MTUS2: variants seen among roughly 807,000 people sequenced by gnomAD.
MTUS2 encodes the protein microtubule-associated tumor suppressor candidate 2.
Under a neutral mutation model 114.1 loss-of-function variants are expected in MTUS2, and 40 were observed. The observed-to-expected ratio is 0.35, with a 90% CI of 0.27 to 0.46. MTUS2 has a LOEUF of 0.46. Among genes scored for constraint, MTUS2 ranks in the 20% least tolerant of loss-of-function variants. MTUS2 has a pLI of 1.00. For synonymous variants in MTUS2, 688 were observed against 672.0 expected, an observed-to-expected ratio of 1.02 and a Z score of -0.37; for missense variants, 1,679 against 1,705.4, an observed-to-expected ratio of 0.98 and a Z score of 0.27.
chr13:29,407,876 C>G (rs1193707490), intron 8 of MTUS2, among the ~76,000 whole-genome samples: 1 of 152,140 alleles, frequency 6.6e-6, no homozygotes, highest in African/African-American at 2.4e-5. Flanking sequence ...TAACTTTTGC[C>G]AATCTGTTGG....
intron 2 of MTUS2, among the ~76,000 whole-genome samples, chr13:29,003,809 G>T (rs1484277114): frequency 6.6e-6 from 1 of 152,184 alleles, no homozygotes; most frequent in Non-Finnish European, 1.5e-5. Context: ...TAGGCAGAGT[G>T]CTCCTGCGGC....
chr13:28,847,773 A>G (rs1261148855), intron 2 of MTUS2, among the ~76,000 whole-genome samples: 1 of 152,214 alleles, frequency 6.6e-6, no homozygotes, highest in Non-Finnish European at 1.5e-5. Context: ...GAAACCATGC[A>G]GCAGCCCTGA....
chr13:28,883,151 C>T (rs1478124786), intron 2 of MTUS2, among the ~76,000 whole-genome samples: 1 of 152,086 alleles, frequency 6.6e-6, no homozygotes, highest in African/African-American at 2.4e-5. Flanking sequence ...GCGAGAATAC[C>T]ACATACTGCT....
intron 4 of MTUS2, among the ~76,000 whole-genome samples, chr13:29,091,952 C>T (rs1889971918): frequency 6.6e-6 from 1 of 152,190 alleles, no homozygotes; most frequent in Non-Finnish European, 1.5e-5. Context: ...TGAGGAAAGA[C>T]CCCGGTGGAG....
At chr13:28,991,611 G>T (rs1884858453) in intron 2 of MTUS2, among the ~76,000 whole-genome samples, 1 of 152,134 alleles carries the variant, frequency 6.6e-6, no homozygotes, top group Non-Finnish European at 1.5e-5. Context: ...CTCATGATCT[G>T]CCTGTCTCGG....
chr13:29,174,097 A>G (rs1856559310), intron 5 of MTUS2, among the ~76,000 whole-genome samples: 1 of 152,090 alleles, frequency 6.6e-6, no homozygotes, highest in African/African-American at 2.4e-5. Flanking sequence ...ATAAGTTAAC[A>G]GTTGTTCCTT....
intron 10 of MTUS2, chr13:29,487,666 G>A (rs1411916765): frequency 7.2e-6 from 4 of 556,376 alleles, no homozygotes; most frequent in Non-Finnish European, 1.3e-5. Context: ...GGTACCTCAG[G>A]CAGTGATCCC....
At chr13:29,487,250 C>T (rs1881687884) in intron 10 of MTUS2, among the ~76,000 whole-genome samples, 1 of 152,158 alleles carries the variant, frequency 6.6e-6, no homozygotes, top group Non-Finnish European at 1.5e-5. Flanking sequence ...GCTAGTCTTG[C>T]TTGGGGGAGG....
intron 9 of MTUS2, among the ~76,000 whole-genome samples, chr13:29,472,676 T>C (rs968779274): frequency 4.6e-5 from 7 of 152,220 alleles, no homozygotes; most frequent in Non-Finnish European, 1.0e-4. Flanking sequence ...GTATCCTAAA[T>C]GAAAAAAGCA....
intron 2 of MTUS2, among the ~76,000 whole-genome samples, chr13:28,974,715 G>A (rs1884010593): frequency 6.6e-6 from 1 of 152,034 alleles, no homozygotes; most frequent in Middle Eastern, 3.2e-3. Context: ...AAACATACTT[G>A]CTGTTTACCA....
intron 2 of MTUS2, among the ~76,000 whole-genome samples, chr13:28,954,574 G>T (rs1882970243): frequency 6.6e-6 from 1 of 152,144 alleles, no homozygotes; most frequent in African/African-American, 2.4e-5. Context: ...GGTGTGGGCA[G>T]TGCTAAGAGA....
At chr13:29,159,095 T>G (rs1892989770) in intron 5 of MTUS2, among the ~76,000 whole-genome samples, 1 of 152,210 alleles carries the variant, frequency 6.6e-6, no homozygotes, top group African/African-American at 2.4e-5. Context: ...TGTTCGTGAT[T>G]GATACTGAAA....
At chr13:29,351,359 G>T (rs987232012) in intron 7 of MTUS2, among the ~76,000 whole-genome samples, 2 of 151,956 alleles carry the variant, frequency 1.3e-5, no homozygotes, top group African/African-American at 4.8e-5. Context: ...AAATTGAATC[G>T]TGGCAGGAAC....
At chr13:29,231,049 C>G (rs1896303683) in intron 5 of MTUS2, among the ~76,000 whole-genome samples, 1 of 152,138 alleles carries the variant, frequency 6.6e-6, no homozygotes, top group Non-Finnish European at 1.5e-5. Context: ...TCCATCCAGC[C>G]AAGCATTGAA....
intron 5 of MTUS2, among the ~76,000 whole-genome samples, chr13:29,107,820 G>C (rs1890731451): frequency 1.3e-5 from 2 of 152,160 alleles, no homozygotes; most frequent in East Asian, 1.9e-4. Context: ...TCACTTCTCA[G>C]CCTTTTGGCT....
chr13:29,175,400 T>C (rs1043296578), intron 5 of MTUS2, among the ~76,000 whole-genome samples: 3 of 152,204 alleles, frequency 2.0e-5, no homozygotes, highest in African/African-American at 7.2e-5. Flanking sequence ...ATCTGAAGCG[T>C]TCATAGGCAG....
At chr13:29,198,392 T>G (rs921411806) in intron 5 of MTUS2, among the ~76,000 whole-genome samples, 1 of 152,228 alleles carries the variant, frequency 6.6e-6, no homozygotes, top group Admixed American at 6.5e-5. Context: ...ATGTGTGGCA[T>G]TATTTCTGAG....
intron 2 of MTUS2, among the ~76,000 whole-genome samples, chr13:29,015,520 G>A (rs1461516015): frequency 1.3e-5 from 2 of 152,204 alleles, no homozygotes; most frequent in East Asian, 3.8e-4. Flanking sequence ...AAAAACCCAT[G>A]CTGGAGCTTA....
intron 10 of MTUS2, chr13:29,485,387 G>T (rs562931506): frequency 6.5e-6 from 1 of 152,714 alleles, no homozygotes; most frequent in African/African-American, 2.4e-5. Flanking sequence ...GCCAACAGTA[G>T]ACAGCTCCTT....
Sources: gnomAD v4.1 joint callset for allele counts (sites outside exome capture counted in the v4.1 genomes callset) on GRCh38, gnomAD v4.1.1 for gene constraint, MANE v1.5 for transcripts, NCBI Gene and HGNC (gene_info 2026-07-23, HGNC 2026-07-21) for gene names.